Variants in KCNG2 observed in about 807,000 individuals in gnomAD.
KCNG2 encodes the protein potassium voltage-gated channel modifier subfamily G member 2, also known as voltage-gated potassium channel regulatory subunit KCNG2.
A neutral mutation model predicts 12.3 loss-of-function variants in KCNG2; 7 were observed. The ratio of observed to expected loss-of-function variants is 0.57; its 90% CI spans 0.32 to 1.07. The LOEUF is 1.07. Among genes scored for constraint, KCNG2 ranks in the 50% least tolerant of loss-of-function variants. The pLI, the probability that KCNG2 is intolerant of heterozygous loss-of-function variation, is 0.04. For synonymous variants in KCNG2, 414 were observed against 351.4 expected (o/e 1.18, Z -1.99); for missense variants, 703 against 726.0 (o/e 0.97, Z 0.36).
At chr18:79,823,617 A>G (rs558444838) in intron 1 of KCNG2, among the ~76,000 whole-genome samples, 29 of 151,622 alleles carry the variant, frequency 1.9e-4, no homozygotes, top group Non-Finnish European at 3.5e-4. Context: ...TGGCCTGTTC[A>G]TGTGTTTCCC....
intron 3 of KCNG2, among the ~76,000 whole-genome samples, chr18:79,878,054 G>A (rs955339394): frequency 3.3e-5 from 5 of 152,266 alleles, no homozygotes; most frequent in African/African-American, 7.2e-5. Context: ...TGGCACCGGC[G>A]CTGCCGCGTG....
At chr18:79,885,049 C>T (rs1291278606) in intron 3 of KCNG2, among the ~76,000 whole-genome samples, 4 of 152,156 alleles carry the variant, frequency 2.6e-5, no homozygotes, top group Non-Finnish European at 4.4e-5. Flanking sequence ...ATCCCTTGAA[C>T]CTGAGACCAC....
At chr18:79,842,329 C>T (rs937992067) in intron 1 of KCNG2, among the ~76,000 whole-genome samples, 1 of 152,184 alleles carries the variant, frequency 6.6e-6, no homozygotes, top group African/African-American at 2.4e-5. Context: ...CACCCTTGCC[C>T]AGATAATCTC....
chr18:79,853,836 G>A (rs771067543), intron 1 of KCNG2, among the ~76,000 whole-genome samples: 3 of 152,232 alleles, frequency 2.0e-5, no homozygotes, highest in East Asian at 3.9e-4. Context: ...GGCCCGAGAC[G>A]GGCGCCACCC....
intron 3 of KCNG2, among the ~76,000 whole-genome samples, chr18:79,895,644 G>T (rs1345331672): frequency 6.6e-6 from 1 of 151,194 alleles, no homozygotes; most frequent in Non-Finnish European, 1.5e-5. Flanking sequence ...GTCTGCTATT[G>T]ATTGGGTTGT....
At position 79,899,252 on chromosome 18, in the gene KCNG2, C is replaced by T. The variant is rs759782870; in HGVS notation, c.837C>T (p.Leu279=). ...GLAAGPGGTK[L]LERAGLVLRL... is the part of the protein sequence containing the mutation. The stretch of plus-strand genomic sequence containing the variant: ...CGGCAGGCCCGGGCGGGACCAAGCT[C>T]CTGGAGCGCGCGGGGCTGGTGCTGC... The change falls in exon 4 of 4, where the codon CTC becomes CTT. Residue 279 remains leucine (L), a synonymous_variant. Transcript: ENST00000316249. The T allele has an allele frequency of 3.1e-6, 5 of 1,593,970 alleles. No individual in the cohort carries two copies. Among genetic ancestry groups the T allele is most frequent in the Non-Finnish European group, 4.3e-6 (5 of 1,176,442 alleles).
chr18:79,814,298 C>T (rs891439410), intron 1 of KCNG2, among the ~76,000 whole-genome samples: 1 of 152,166 alleles, frequency 6.6e-6, no homozygotes. Context: ...AACCTAGACA[C>T]AAATTTTCAT....
intron 3 of KCNG2, among the ~76,000 whole-genome samples, chr18:79,876,593 A>C (rs1041714388): frequency 9.2e-5 from 14 of 152,232 alleles, no homozygotes; most frequent in African/African-American, 3.4e-4. Context: ...ATCCACAGGC[A>C]GTGGTGCCCT....
At chr18:79,824,485 C>T (rs149062358) in intron 1 of KCNG2, among the ~76,000 whole-genome samples, 32 of 152,278 alleles carry the variant, frequency 2.1e-4, no homozygotes, top group African/African-American at 7.0e-4. Flanking sequence ...TCTTTACCTG[C>T]TCTATGCTTC....
chr18:79,824,025 C>T (rs1264267932), intron 1 of KCNG2, among the ~76,000 whole-genome samples: 1 of 152,148 alleles, frequency 6.6e-6, no homozygotes, highest in Non-Finnish European at 1.5e-5. Flanking sequence ...ATTTTTGAGA[C>T]AAGATCTCAC....
intron 1 of KCNG2, among the ~76,000 whole-genome samples, chr18:79,835,943 G>A (rs1270263578): frequency 6.6e-6 from 1 of 152,048 alleles, no homozygotes; most frequent in Non-Finnish European, 1.5e-5. Flanking sequence ...TAATCCACAG[G>A]GAAACATGAA....
rs1160980477 is a variant in KCNG2 at position 79,899,390 on chromosome 18, G to C, written c.975G>C (p.Leu325=). Residue 325 remains leucine, a synonymous_variant, in exon 4 of 4, where the codon CTG becomes CTC. Coordinates refer to ENST00000316249, the MANE Select transcript of KCNG2 (RefSeq NM_012283.2). ...MRRCAREFGL[L]LLFLCVAMAL... ...GCTGCGCGCGCGAGTTCGGGCTGCTGCTGCTGTTCCTCTGCGTGGCCATGG... is the reference window on the plus strand; with the variant it reads ...GCTGCGCGCGCGAGTTCGGGCTGCTCCTGCTGTTCCTCTGCGTGGCCATGG... 1 of 1,573,848 alleles carries C rather than the reference G, an allele frequency of 6.4e-7. No individual in the cohort carries two copies. The highest frequency in any genetic ancestry group is 8.6e-7 in the Non-Finnish European group (1 of 1,165,314).
chr18:79,876,412 TCACCTGCGGCGTGGC>T (rs1409751339), intron 3 of KCNG2: 1 of 151,986 alleles, frequency 6.6e-6, no homozygotes, highest in Non-Finnish European at 1.5e-5. Context: ...TGGAGAGGAG[TCACCTGCGGCGTGGC>T]CACTGCTGTG....
intron 3 of KCNG2, among the ~76,000 whole-genome samples, chr18:79,893,805 G>A (rs1265925508): frequency 6.6e-6 from 1 of 151,808 alleles, no homozygotes; most frequent in Non-Finnish European, 1.5e-5. Context: ...AAATAGTTGG[G>A]TCTGTGTCTG....
intron 1 of KCNG2, among the ~76,000 whole-genome samples, chr18:79,807,439 G>A (rs964246411): frequency 6.6e-6 from 1 of 152,192 alleles, no homozygotes; most frequent in African/African-American, 2.4e-5. Context: ...AGAAGCAAGC[G>A]CTCAGTGACC....
rs1369437464 is a variant in KCNG2, at chr18:79,884,318, A to G, written c.625-14722A>G. ...AATTCGCCCCATCTAGGTCCCACCT[A>G]ATGACACACACTCCCGTTCTCAGTC... On this transcript the variant is annotated intron_variant, in intron 3 of 3. Coordinates refer to ENST00000316249, the MANE Select transcript of KCNG2 (RefSeq NM_012283.2). The surrounding 1 kb of genome is among the most constrained non-coding windows in gnomAD (Gnocchi z 5.5). 6.6e-6 allele frequency among the ~76,000 whole-genome samples: 1 copy of G among 151,122 alleles called. No homozygotes were observed. Among genetic ancestry groups the G allele is most frequent in the East Asian group, 2.0e-4 (1 of 5,122 alleles).
chr18:79,844,372 G>A (rs1462464096), intron 1 of KCNG2, among the ~76,000 whole-genome samples: 1 of 152,134 alleles, frequency 6.6e-6, no homozygotes, highest in African/African-American at 2.4e-5. Flanking sequence ...CACAAGCAGA[G>A]AGAATGGTGG....
intron 2 of KCNG2, among the ~76,000 whole-genome samples, chr18:79,856,678 G>A (rs1979019677): frequency 6.6e-6 from 1 of 152,140 alleles, no homozygotes; most frequent in South Asian, 2.1e-4. Flanking sequence ...GCAGAGGACA[G>A]GGGAGCTCAC....
At chr18:79,861,361 C>T (rs1390600963) in intron 2 of KCNG2, among the ~76,000 whole-genome samples, 2 of 150,402 alleles carry the variant, frequency 1.3e-5, no homozygotes, top group Non-Finnish European at 2.9e-5. Flanking sequence ...TCACTGAAAC[C>T]TCCGTTCCCA....
Sources: gnomAD v4.1 joint callset for allele counts (sites outside exome capture counted in the v4.1 genomes callset) on GRCh38, gnomAD v4.1.1 for gene constraint, Gnocchi (gnomAD v3.1) non-coding constraint, MANE v1.5 for transcripts, NCBI Gene and HGNC (gene_info 2026-07-23, HGNC 2026-07-21) for gene names.